The following LHFPL2 variants were observed in gnomAD, a reference collection of about 807,000 sequenced individuals.
LHFPL2 encodes LHFPL tetraspan subfamily member 2 protein.
LHFPL2 carries 7 observed loss-of-function variants against 17.5 expected under a neutral mutation model. The ratio of observed to expected loss-of-function variants is 0.40; its 90% CI spans 0.23 to 0.75. The LOEUF (loss-of-function observed/expected upper bound fraction) is 0.75, where lower values mean the gene tolerates loss of function less well. Ranked by LOEUF, LHFPL2 falls within the 30% of genes least tolerant of loss-of-function variation. LHFPL2 has a pLI of 0.37. For missense variants in LHFPL2, 241 were observed against 294.8 expected, an observed-to-expected ratio of 0.82 and a Z score of 1.34; for synonymous variants, 134 against 116.2, an observed-to-expected ratio of 1.15 and a Z score of -0.99.
intron 2 of LHFPL2, among the ~76,000 whole-genome samples, chr5:78,618,567 T>G (rs1200077980): frequency 6.6e-6 from 1 of 151,848 alleles, no homozygotes; most frequent in African/African-American, 2.4e-5. Context: ...CTTAGGGGAG[T>G]TGGACTTACG....
At chr5:78,535,982 C>T (rs1755939720) in intron 3 of LHFPL2, among the ~76,000 whole-genome samples, 1 of 152,212 alleles carries the variant, frequency 6.6e-6, no homozygotes, top group South Asian at 2.1e-4. Context: ...ATGGGAGTCA[C>T]ATGGCGTGTG....
intron 3 of LHFPL2, among the ~76,000 whole-genome samples, chr5:78,533,077 G>C (rs1755834166): frequency 6.6e-6 from 1 of 152,172 alleles, no homozygotes; most frequent in Admixed American, 6.5e-5. Flanking sequence ...ATGTGGCCGA[G>C]TAGACCAAAC....
chr5:78,552,425 G>A (rs1046269166), intron 3 of LHFPL2, among the ~76,000 whole-genome samples: 13 of 152,166 alleles, frequency 8.5e-5, no homozygotes, highest in Non-Finnish European at 1.3e-4. Flanking sequence ...GAGCCACCGC[G>A]CCTGGCCATG....
intron 3 of LHFPL2, among the ~76,000 whole-genome samples, chr5:78,534,780 C>T (rs1755895563): frequency 6.6e-6 from 1 of 152,204 alleles, no homozygotes; most frequent in African/African-American, 2.4e-5. Flanking sequence ...CATGAAATCA[C>T]AGCAAGCTCC....
chr5:78,647,513 A>G (rs530537348), intron 1 of LHFPL2, among the ~76,000 whole-genome samples: 1 of 152,224 alleles, frequency 6.6e-6, no homozygotes, highest in East Asian at 1.9e-4. Context: ...CACTTTCCAT[A>G]GCGGCCGCGT....
intron 2 of LHFPL2, among the ~76,000 whole-genome samples, chr5:78,574,780 G>A (rs558687494): frequency 6.6e-6 from 1 of 152,332 alleles, no homozygotes; most frequent in South Asian, 2.1e-4. Context: ...CAATTCTGCT[G>A]ATGCATGTTT....
At chr5:78,570,516 T>C (rs1475338015) in intron 2 of LHFPL2, among the ~76,000 whole-genome samples, 1 of 151,864 alleles carries the variant, frequency 6.6e-6, no homozygotes, top group African/African-American at 2.4e-5. Flanking sequence ...CTATGAGTGA[T>C]GAAGGAGAGT....
intron 2 of LHFPL2, among the ~76,000 whole-genome samples, chr5:78,574,897 C>G (rs1472682748): frequency 6.6e-6 from 1 of 152,240 alleles, no homozygotes; most frequent in East Asian, 1.9e-4. Context: ...AAACACCTCA[C>G]CACCTCAGTC....
intron 3 of LHFPL2, among the ~76,000 whole-genome samples, chr5:78,531,213 C>T (rs559126022): frequency 2.8e-4 from 43 of 151,242 alleles, no homozygotes; most frequent in Non-Finnish European, 5.6e-4. Flanking sequence ...GTCGGGAGTT[C>T]GAGACCAGCC....
intron 2 of LHFPL2, among the ~76,000 whole-genome samples, chr5:78,578,537 C>T (rs959329726): frequency 1.3e-5 from 2 of 151,780 alleles, no homozygotes; most frequent in African/African-American, 4.8e-5. Context: ...CAAATAGCCA[C>T]ATTTACCCCT....
At chr5:78,634,519 T>C (rs1309756329) in intron 1 of LHFPL2, among the ~76,000 whole-genome samples, 1 of 152,234 alleles carries the variant, frequency 6.6e-6, no homozygotes, top group Non-Finnish European at 1.5e-5. Context: ...CCAAAGGCCT[T>C]CCATGGCCAA....
rs1561352310 is a variant in LHFPL2 at position 78,584,993 on chromosome 5, G to GTT, written c.-244-20123_-244-20122insAA. ...GCGGGATATAATCTCCTGGTGCGCT[G>GTT]TGTTTTTTTTTTTTTTTTTTTTTTT... On this transcript the variant is annotated intron_variant, in intron 2 of 4. Coordinates refer to ENST00000380345, the MANE Select transcript of LHFPL2 (RefSeq NM_005779.3). Among the ~76,000 whole-genome samples the GTT allele has an allele frequency of 1.5e-4, 13 of 84,756 alleles. 1 individual carries two copies. The highest frequency in any genetic ancestry group is 6.0e-4 in the African/African-American group (12 of 20,150). 55.6% of individuals were successfully genotyped at this position (84,756 alleles called of 152,430 possible).
At chr5:78,595,738 A>C (rs779200853) in intron 2 of LHFPL2, among the ~76,000 whole-genome samples, 48 of 151,776 alleles carry the variant, frequency 3.2e-4, no homozygotes, top group Non-Finnish European at 4.7e-4. Flanking sequence ...CCTGTCTTGA[A>C]CTCCTGGCCT....
intron 2 of LHFPL2, among the ~76,000 whole-genome samples, chr5:78,579,427 G>A (rs1742997566): frequency 6.6e-6 from 1 of 151,992 alleles, no homozygotes; most frequent in Admixed American, 6.6e-5. Flanking sequence ...GTGCCATGCT[G>A]GTGCGCTGCA....
At position 78,648,176 on chromosome 5, in the gene LHFPL2, C is replaced by T. The variant is rs1471854488; in HGVS notation, c.-350+323G>A. Among the ~76,000 whole-genome samples, 4 of 152,164 alleles carry T rather than the reference C, an allele frequency of 2.6e-5. No homozygotes were observed. The highest frequency in any genetic ancestry group is 4.4e-5 in the Non-Finnish European group (3 of 68,016). ...CCGTCCGAAGCCCGCCAGCGACGCCCAGAGAGCAGGGCTCGCGCCGGCTTC... is the reference window on the plus strand; with the variant it reads ...CCGTCCGAAGCCCGCCAGCGACGCCTAGAGAGCAGGGCTCGCGCCGGCTTC... On this transcript the variant is annotated intron_variant, in intron 1 of 4. Transcript: ENST00000380345. This position sits in a 1 kb window ranked among gnomAD's most constrained non-coding sequence, Gnocchi z 5.4.
At chr5:78,553,977 C>T (rs184030439) in intron 3 of LHFPL2, among the ~76,000 whole-genome samples, 1 of 152,360 alleles carries the variant, frequency 6.6e-6, no homozygotes, top group African/African-American at 2.4e-5. Flanking sequence ...TTAGACACCT[C>T]TCCAAGATTC....
At chr5:78,633,360 G>A (rs1745320134) in intron 1 of LHFPL2, among the ~76,000 whole-genome samples, 1 of 152,238 alleles carries the variant, frequency 6.6e-6, no homozygotes, top group Admixed American at 6.5e-5. Flanking sequence ...CAGGGGCAGA[G>A]TCTGCCTGCC....
At chr5:78,500,368 A>ATT (rs1205989465) in intron 4 of LHFPL2, among the ~76,000 whole-genome samples, 2 of 152,148 alleles carry the variant, frequency 1.3e-5, no homozygotes, top group Admixed American at 1.3e-4. Flanking sequence ...AGTGGGTGTT[A>ATT]GTTAAACCCA....
At chr5:78,505,513 C>G (rs902506201) in intron 4 of LHFPL2, among the ~76,000 whole-genome samples, 1 of 152,148 alleles carries the variant, frequency 6.6e-6, no homozygotes, top group African/African-American at 2.4e-5. Context: ...TTTGACTGCT[C>G]TCTCCTGCCT....
Sources: gnomAD v4.1 joint callset for allele counts (sites outside exome capture counted in the v4.1 genomes callset) on GRCh38, gnomAD v4.1.1 for gene constraint, Gnocchi (gnomAD v3.1) non-coding constraint, MANE v1.5 for transcripts, NCBI Gene and HGNC (gene_info 2026-07-23, HGNC 2026-07-21) for gene names.